NCKAP5: variants seen among roughly 807,000 people sequenced by gnomAD.
The protein encoded by NCKAP5 is nck-associated protein 5.
In NCKAP5, 92 loss-of-function variants were observed where a neutral mutation model predicts 167.0. The observed-to-expected ratio is 0.55, with a 90% CI of 0.47 to 0.66. The LOEUF is 0.66. Ranked by LOEUF, NCKAP5 falls within the 30% of genes least tolerant of loss-of-function variation. NCKAP5 has a pLI of 0.00. For synonymous variants in NCKAP5, 891 were observed against 877.4 expected, an observed-to-expected ratio of 1.02 and a Z score of -0.27; for missense variants, 2,378 against 2,315.0, an observed-to-expected ratio of 1.03 and a Z score of -0.56.
At chr2:133,306,445 T>C (rs1248258064) in intron 3 of NCKAP5, among the ~76,000 whole-genome samples, 1 of 152,196 alleles carries the variant, frequency 6.6e-6, no homozygotes, top group East Asian at 1.9e-4. Flanking sequence ...AAGAAAGATA[T>C]GTAAGCATTT....
intron 6 of NCKAP5, among the ~76,000 whole-genome samples, chr2:133,082,029 C>G (rs1022853063): frequency 6.6e-6 from 1 of 152,054 alleles, no homozygotes; most frequent in African/African-American, 2.4e-5. Context: ...GATCCTCTCC[C>G]TCCTCCCACC....
chr2:133,289,008 A>G (rs932582134), intron 4 of NCKAP5, among the ~76,000 whole-genome samples: 1 of 152,202 alleles, frequency 6.6e-6, no homozygotes, highest in Non-Finnish European at 1.5e-5. Context: ...GAAAGCCTAA[A>G]TGACTTTTGC....
rs1305775318 is a variant in NCKAP5, at chr2:133,151,423, A to G, written c.208-21312T>C. Reference sequence around the variant, plus strand: ...ATTTGATAAGAGATGGGTATACAAAATATACAACGAATGCTTACAGCTCAA... The same window carrying G: ...ATTTGATAAGAGATGGGTATACAAAGTATACAACGAATGCTTACAGCTCAA... On this transcript the variant is annotated intron_variant, in intron 5 of 19. Transcript: ENST00000409261. 2.0e-5 allele frequency among the ~76,000 whole-genome samples: 3 copies of G among 152,204 alleles called. 1 individual carries two copies. Among genetic ancestry groups the G allele is most frequent in the Non-Finnish European group, 4.4e-5 (3 of 68,042 alleles).
chr2:132,729,618 C>T (rs1285521400), intron 17 of NCKAP5, among the ~76,000 whole-genome samples: 3 of 152,174 alleles, frequency 2.0e-5, no homozygotes, highest in Non-Finnish European at 4.4e-5. Flanking sequence ...CCAGGTGATG[C>T]TGATGATGCT....
chr2:133,022,089 G>A (rs561966091), intron 6 of NCKAP5, among the ~76,000 whole-genome samples: 22 of 152,328 alleles, frequency 1.4e-4, no homozygotes, highest in Admixed American at 9.2e-4. Flanking sequence ...ATGTCACTTC[G>A]GTAGTTACAT....
rs187134635 is a variant in NCKAP5 at position 132,936,653 on chromosome 2, A to C, written c.579+27067T>G. Reference sequence around the variant, plus strand: ...ACTTGGAGAAAAATATAACCAAAAGAAACTGTTATCTGAGTATTGAAAATT... The same window carrying C: ...ACTTGGAGAAAAATATAACCAAAAGCAACTGTTATCTGAGTATTGAAAATT... On this transcript the variant is annotated intron_variant, in intron 8 of 19. Transcript: ENST00000409261. Among the ~76,000 whole-genome samples the C allele has an allele frequency of 5.4e-4, 82 of 152,336 alleles. No individual in the cohort carries two copies. The Middle Eastern group carries it at 0.017, about 32-fold the overall frequency.
chr2:133,333,644 T>A (rs531974016), intron 3 of NCKAP5, among the ~76,000 whole-genome samples: 1 of 152,282 alleles, frequency 6.6e-6, no homozygotes, highest in South Asian at 2.1e-4. Flanking sequence ...CTACTTACTT[T>A]CAACATTTTC....
At chr2:133,049,775 C>T (rs967499026) in intron 6 of NCKAP5, among the ~76,000 whole-genome samples, 5 of 152,092 alleles carry the variant, frequency 3.3e-5, no homozygotes, top group East Asian at 1.9e-4. Context: ...CTCCAGCATG[C>T]GATTGTCACT....
chr2:133,407,690 G>A (rs1342615139), intron 3 of NCKAP5, among the ~76,000 whole-genome samples: 1 of 152,174 alleles, frequency 6.6e-6, no homozygotes, highest in African/African-American at 2.4e-5. Flanking sequence ...TACCAAGTAA[G>A]TGCCATCTCT....
At chr2:132,773,104 T>C (rs1682230014) in intron 16 of NCKAP5, among the ~76,000 whole-genome samples, 1 of 152,226 alleles carries the variant, frequency 6.6e-6, no homozygotes, top group Non-Finnish European at 1.5e-5. Flanking sequence ...CTCACATTCA[T>C]GGCTATATTT....
intron 9 of NCKAP5, among the ~76,000 whole-genome samples, chr2:132,874,065 G>T (rs1301024211): frequency 6.6e-6 from 1 of 150,814 alleles, no homozygotes; most frequent in African/African-American, 2.4e-5. Flanking sequence ...ATATGAAAGT[G>T]ACAAGTACGA....
At chr2:132,860,382 T>A in intron 11 of NCKAP5, 110 bp downstream of exon 11, 1 of 1,223,206 alleles carries the variant, frequency 8.2e-7, no homozygotes, top group Non-Finnish European at 1.1e-6. Flanking sequence ...AGAATTGGGA[T>A]TCTGATGCAA....
At chr2:133,137,217 A>G (rs1024197481) in intron 5 of NCKAP5, among the ~76,000 whole-genome samples, 3 of 152,222 alleles carry the variant, frequency 2.0e-5, no homozygotes, top group African/African-American at 7.2e-5. Flanking sequence ...TCCTAGAAGC[A>G]GAGAAACAGA....
chr2:132,830,208 C>T (rs1038298833), intron 11 of NCKAP5, among the ~76,000 whole-genome samples: 1 of 152,174 alleles, frequency 6.6e-6, no homozygotes, highest in African/African-American at 2.4e-5. Flanking sequence ...CTTTCCAGCT[C>T]CTTTCCAATT....
chr2:133,576,691 G>C, the NCKAP5 span, among the ~76,000 whole-genome samples: 16 of 152,282 alleles, frequency 1.1e-4, 1 homozygote, highest in South Asian at 3.3e-3. Context: ...TGAGTGAGAG[G>C]GGGTAACTAA....
chr2:133,137,406 T>TTTTGTGTG (rs2082829308), intron 5 of NCKAP5, among the ~76,000 whole-genome samples: 1 of 136,204 alleles, frequency 7.3e-6, no homozygotes, highest in African/African-American at 2.8e-5. Context: ...GAGCTTGGTT[T>TTTTGTGTG]TGTGTGTGTG....
chr2:132,962,160 C>T (rs1440064012), intron 8 of NCKAP5, among the ~76,000 whole-genome samples: 1 of 152,156 alleles, frequency 6.6e-6, no homozygotes, highest in Non-Finnish European at 1.5e-5. Flanking sequence ...CTCTTTCATT[C>T]ACAGTCCTTA....
Position 132,784,243 on chromosome 2 carries a change from G to A in NCKAP5, c.2568C>T (p.Leu856=). The A allele has an allele frequency of 6.2e-7, 1 of 1,603,260 alleles. No individual in the cohort carries two copies. The highest frequency in any genetic ancestry group is 8.5e-7 in the Non-Finnish European group (1 of 1,176,358). Residue 856 remains leucine (L), a synonymous_variant, in exon 14 of 20, where the codon CTC becomes CTT. Transcript: ENST00000409261. The stretch of plus-strand genomic sequence containing the variant: ...TGTGTGGATCTGATCGTAATTCAAA[G>A]AGGGGCCCTGAGCTCTCAGTCTTCA... The part of the protein sequence containing the change: ...RFMKTESSGP[L]FELRSDPHIP...
rs1453469280 is a variant in NCKAP5, at chr2:132,782,605, A to T, written c.4206T>A (p.Ala1402=). The change falls in exon 14 of 20, where the codon GCT becomes GCA. Residue 1402 remains alanine, a synonymous_variant. Transcript: ENST00000409261. ...GGTCACTGCCTGGTTCCCCAAGTAC[A>T]GCCACATTGGCACTGGGGCACTCTC... ...TQGECPSANV[A]VLGEPGSDRR... 5.0e-6 allele frequency: 8 copies of T among 1,591,486 alleles called. No homozygotes were observed. The highest frequency in any genetic ancestry group is 6.8e-6 in the Non-Finnish European group (8 of 1,168,596).
Sources: gnomAD v4.1 joint callset for allele counts (sites outside exome capture counted in the v4.1 genomes callset) on GRCh38, gnomAD v4.1.1 for gene constraint, MANE v1.5 for transcripts, NCBI Gene and HGNC (gene_info 2026-07-23, HGNC 2026-07-21) for gene names.